Variants in ASXL3 observed in about 807,000 individuals in gnomAD.
The protein encoded by ASXL3 is putative Polycomb group protein ASXL3.
ASXL3 carries 34 observed loss-of-function variants against 170.6 expected under a neutral mutation model. The ratio of observed to expected loss-of-function variants is 0.20; its 90% confidence interval spans 0.15 to 0.27. The LOEUF (loss-of-function observed/expected upper bound fraction) is 0.27, where lower values mean the gene tolerates loss of function less well. ASXL3 is among the 10% of genes least tolerant of loss of function. The probability of loss-of-function intolerance (pLI) is 1.00; values close to 1 mark genes in which losing one functional copy is unlikely to be tolerated. For synonymous variants in ASXL3, 1,002 were observed against 989.1 expected, an observed-to-expected ratio of 1.01 and a Z score of -0.24; for missense variants, 2,592 against 2,695.3, an observed-to-expected ratio of 0.96 and a Z score of 0.85.
intron 1 of ASXL3, among the ~76,000 whole-genome samples, chr18:33,587,618 A>G (rs1296458710): frequency 6.6e-6 from 1 of 152,164 alleles, no homozygotes; most frequent in Non-Finnish European, 1.5e-5. Flanking sequence ...GGATGAATAG[A>G]TGGTCACATA....
At chr18:33,599,978 A>G (rs2065166793) in intron 1 of ASXL3, among the ~76,000 whole-genome samples, 1 of 152,172 alleles carries the variant, frequency 6.6e-6, no homozygotes, top group South Asian at 2.1e-4. Context: ...GATAGAAAAA[A>G]ATGATTTTCC....
At chr18:33,699,093 T>C (rs187422810) in intron 8 of ASXL3, among the ~76,000 whole-genome samples, 14 of 152,048 alleles carry the variant, frequency 9.2e-5, no homozygotes, top group Non-Finnish European at 1.8e-4. Context: ...GTCTAAGATA[T>C]CCACTTTTCA....
In ASXL3 at chr18:33,670,796, G is replaced by C; in HGVS notation, c.595+6G>C. On this transcript the variant is annotated splice_donor_region_variant and intron_variant, in intron 6 of 11. Transcript: ENST00000269197. ...GCAGTCGGATTCGCCTTCAGGTAAA[G>C]AGCTGAAATATCATATGCTTGGCCA... is the stretch of plus-strand genomic sequence containing the variant. 1.3e-6 allele frequency: 2 copies of C among 1,516,672 alleles called. No individual in the cohort carries two copies. Among genetic ancestry groups the C allele is most frequent in the South Asian group, 2.5e-5 (2 of 79,744 alleles). The allele number at this position is 1,516,672 out of a possible 1,614,324, so 94.0% of individuals were successfully genotyped here.
chr18:33,706,393 G>A (rs573190151), intron 8 of ASXL3, among the ~76,000 whole-genome samples: 10 of 151,792 alleles, frequency 6.6e-5, no homozygotes, highest in African/African-American at 2.2e-4. Context: ...GGGTCATAGA[G>A]TATGCATAGA....
intron 9 of ASXL3, among the ~76,000 whole-genome samples, chr18:33,732,434 T>TC (rs1245954781): frequency 6.6e-6 from 1 of 152,178 alleles, no homozygotes; most frequent in Non-Finnish European, 1.5e-5. Flanking sequence ...ACCTTATCCT[T>TC]CCTTTAATCA....
intron 8 of ASXL3, among the ~76,000 whole-genome samples, chr18:33,699,276 A>G (rs2066828827): frequency 6.6e-6 from 1 of 152,196 alleles, no homozygotes; most frequent in Admixed American, 6.6e-5. Flanking sequence ...TCTAAAGGAA[A>G]CCATGCTTAC....
In ASXL3 at chr18:33,744,416, G is replaced by C. The variant is rs1278875280; in HGVS notation, c.4568G>C (p.Ser1523Thr). The C allele has an allele frequency of 6.2e-7, 1 of 1,613,806 alleles. No individual in the cohort carries two copies. The highest frequency in any genetic ancestry group is 8.5e-7 in the Non-Finnish European group (1 of 1,179,800). ...GCGTGTCCTCAGGTGTCTGTGATTAGCAGGCCTGAGCCAGTTGCCAACGAA... is the reference window on the plus strand; with the variant it reads ...GCGTGTCCTCAGGTGTCTGTGATTACCAGGCCTGAGCCAGTTGCCAACGAA... The part of the protein sequence containing the change: ...PVACPQVSVI[S>T]RPEPVANEGI... The change falls in exon 12 of 12, where the codon AGC becomes ACC. Residue 1523 changes from serine (S) to threonine (T), a missense_variant. By Grantham distance (58) the Ser-to-Thr change is moderately conservative. Transcript: ENST00000269197.
intron 2 of ASXL3, among the ~76,000 whole-genome samples, chr18:33,626,341 A>G (rs914220914): frequency 5.3e-5 from 8 of 152,070 alleles, no homozygotes; most frequent in African/African-American, 1.9e-4. Flanking sequence ...GCTCCATCAT[A>G]AGCAAGTGCA....
rs2066543044 is a variant in ASXL3 at position 33,683,303 on chromosome 18, A to C, written c.716-102A>C. ...GGGGTAGAAGTAAACATAAAATTGA[A>C]TATACATGTTCACTAGATATATGTG... On this transcript the variant is annotated intron_variant, in intron 7 of 11. Coordinates refer to ENST00000269197, the MANE Select transcript of ASXL3 (RefSeq NM_030632.3). 6.0e-6 allele frequency: 6 copies of C among 998,320 alleles called. No homozygotes were observed. The South Asian group carries it at 1.4e-4, about 23-fold the overall frequency. 61.8% of individuals were successfully genotyped at this position (998,320 alleles called of 1,614,324 possible). A position where few individuals can be genotyped will look rare whatever the true frequency, so the allele number is the denominator to read the frequency against.
intron 2 of ASXL3, among the ~76,000 whole-genome samples, chr18:33,632,833 G>T (rs1201383163): frequency 6.6e-6 from 1 of 152,100 alleles, no homozygotes; most frequent in African/African-American, 2.4e-5. Flanking sequence ...GCTAATAAAT[G>T]GACAAGAGCA....
chr18:33,719,317 A>T (rs2067219808), intron 8 of ASXL3, among the ~76,000 whole-genome samples: 1 of 151,878 alleles, frequency 6.6e-6, no homozygotes, highest in African/African-American at 2.4e-5. Context: ...AATGCCTCGG[A>T]GAGTCCTACC....
intron 7 of ASXL3, among the ~76,000 whole-genome samples, chr18:33,677,579 A>G (rs2066448427): frequency 6.6e-6 from 1 of 152,212 alleles, no homozygotes; most frequent in Non-Finnish European, 1.5e-5. Flanking sequence ...TGGACAATGT[A>G]TTATAAAAAG....
At chr18:33,728,896 C>T (rs2067394193) in intron 8 of ASXL3, among the ~76,000 whole-genome samples, 1 of 152,140 alleles carries the variant, frequency 6.6e-6, no homozygotes, top group South Asian at 2.1e-4. Context: ...TGATACGTTT[C>T]CCACTACCTA....
chr18:33,698,868 A>G (rs908286964), intron 8 of ASXL3, among the ~76,000 whole-genome samples: 9 of 152,136 alleles, frequency 5.9e-5, no homozygotes, highest in African/African-American at 2.2e-4. Context: ...TCACTTAGCT[A>G]TTCATAATAG....
chr18:33,711,348 A>G lies in ASXL3; in HGVS notation c.880-20620A>G, dbSNP rs62092430. On this transcript the variant is annotated intron_variant, in intron 8 of 11. Coordinates refer to ENST00000269197, the MANE Select transcript of ASXL3 (RefSeq NM_030632.3). ...TTAATTTTGTATTTGATTTTGTGCA[A>G]TATGCCTTAAAGTTGCTTTAAAAAT... Among the ~76,000 whole-genome samples the G allele has an allele frequency of 1.6e-4, 25 of 152,232 alleles. 1 individual carries two copies. In the East Asian group the frequency reaches 4.4e-3, roughly 27 times the overall value.
At chr18:33,629,663 G>A (rs1164578316) in intron 2 of ASXL3, among the ~76,000 whole-genome samples, 1 of 151,970 alleles carries the variant, frequency 6.6e-6, no homozygotes, top group Non-Finnish European at 1.5e-5. Flanking sequence ...TCTCTGGAGA[G>A]TCTCTGTGTG....
At chr18:33,665,431 C>A (rs1370801191) in intron 5 of ASXL3, among the ~76,000 whole-genome samples, 1 of 152,172 alleles carries the variant, frequency 6.6e-6, no homozygotes, top group African/African-American at 2.4e-5. Flanking sequence ...ACACTAGCGG[C>A]AATGCAAGTT....
intron 11 of ASXL3, 51 bp downstream of exon 11, chr18:33,740,494 T>C: frequency 7.0e-7 from 1 of 1,436,258 alleles, no homozygotes; most frequent in Middle Eastern, 1.8e-4. Flanking sequence ...CTTTTCCTAT[T>C]TAGAAGCCTA....
chr18:33,698,497 G>A (rs191211484), intron 8 of ASXL3, among the ~76,000 whole-genome samples: 1 of 152,110 alleles, frequency 6.6e-6, no homozygotes, highest in Admixed American at 6.6e-5. Context: ...GGCTATACAG[G>A]TCTGGAGGTT....
Sources: gnomAD v4.1 joint callset for allele counts (sites outside exome capture counted in the v4.1 genomes callset) on GRCh38, gnomAD v4.1.1 for gene constraint, MANE v1.5 for transcripts, NCBI Gene and HGNC (gene_info 2026-07-23, HGNC 2026-07-21) for gene names.